PTPRD: variants seen among roughly 807,000 people sequenced by gnomAD.
PTPRD encodes the protein receptor-type tyrosine-protein phosphatase delta.
Under a neutral mutation model 214.5 loss-of-function variants are expected in PTPRD, and 34 were observed. The observed-to-expected ratio is 0.16, with a 90% CI of 0.12 to 0.21. The LOEUF (loss-of-function observed/expected upper bound fraction) is 0.21. Ranked by LOEUF, PTPRD falls within the 10% of genes least tolerant of loss-of-function variation. PTPRD has a pLI of 1.00. For synonymous variants in PTPRD, 1,128 were observed against 845.7 expected, an observed-to-expected ratio of 1.33 and a Z score of -5.79; for missense variants, 2,545 against 2,398.7, an observed-to-expected ratio of 1.06 and a Z score of -1.27.
At chr9:9,977,647 C>T (rs2095405737) in intron 4 of PTPRD, among the ~76,000 whole-genome samples, 1 of 152,046 alleles carries the variant, frequency 6.6e-6, no homozygotes, top group South Asian at 2.1e-4. Flanking sequence ...ATGAGTACGA[C>T]TGACGAGGAC....
At chr9:9,307,977 C>A (rs1388387888) in intron 9 of PTPRD, among the ~76,000 whole-genome samples, 1 of 152,102 alleles carries the variant, frequency 6.6e-6, no homozygotes. Flanking sequence ...ACAAGCTATC[C>A]TGCAAAATTC....
chr9:10,027,855 T>G (rs1178568558), intron 4 of PTPRD, among the ~76,000 whole-genome samples: 1 of 152,186 alleles, frequency 6.6e-6, no homozygotes, highest in Admixed American at 6.5e-5. Flanking sequence ...ATGAATTGCC[T>G]TTTTCTCCTT....
intron 2 of PTPRD, among the ~76,000 whole-genome samples, chr9:10,382,466 C>T (rs754576998): frequency 5.9e-5 from 9 of 151,858 alleles, no homozygotes; most frequent in Admixed American, 1.3e-4. Flanking sequence ...ACAACAGAAA[C>T]ATTACCTCGT....
At chr9:9,790,811 G>A (rs1173083210) in intron 5 of PTPRD, among the ~76,000 whole-genome samples, 1 of 152,020 alleles carries the variant, frequency 6.6e-6, no homozygotes, top group Admixed American at 6.6e-5. Flanking sequence ...TGCCTAGAAT[G>A]GGACCAAGTA....
chr9:9,293,798 C>A (rs912575548), intron 9 of PTPRD, among the ~76,000 whole-genome samples: 4 of 151,592 alleles, frequency 2.6e-5, no homozygotes, highest in East Asian at 1.9e-4. Context: ...TTATGTACTG[C>A]AGTTGTAACT....
intron 2 of PTPRD, among the ~76,000 whole-genome samples, chr9:10,420,827 T>C (rs1162171386): frequency 1.3e-5 from 2 of 151,822 alleles, no homozygotes; most frequent in Non-Finnish European, 2.9e-5. Flanking sequence ...ACTGTCAGAG[T>C]TAGGTACCTT....
At chr9:9,878,641 C>A (rs757223891) in intron 5 of PTPRD, among the ~76,000 whole-genome samples, 33 of 152,132 alleles carry the variant, frequency 2.2e-4, no homozygotes, top group Non-Finnish European at 4.3e-4. Flanking sequence ...TGATAGAACT[C>A]TTGGATTGTT....
At chr9:8,934,766 G>T (rs2098985078) in intron 11 of PTPRD, among the ~76,000 whole-genome samples, 1 of 150,856 alleles carries the variant, frequency 6.6e-6, no homozygotes, top group African/African-American at 2.4e-5. Context: ...ACATCTCCCT[G>T]TCTCTCCCAC....
At chr9:9,442,225 T>C (rs571722725) in intron 8 of PTPRD, 1 of 152,262 alleles carries the variant, frequency 6.6e-6, no homozygotes, top group Admixed American at 6.5e-5. Flanking sequence ...GACCACCAGG[T>C]TGCCTAAGGA....
At chr9:9,528,326 T>C (rs1367088213) in intron 8 of PTPRD, among the ~76,000 whole-genome samples, 2 of 152,166 alleles carry the variant, frequency 1.3e-5, no homozygotes, top group East Asian at 1.9e-4. Flanking sequence ...ATAATTCATG[T>C]TTCTACCTGT....
chr9:9,691,754 G>A (rs1564571786), intron 7 of PTPRD, among the ~76,000 whole-genome samples: 1 of 151,948 alleles, frequency 6.6e-6, no homozygotes, highest in Non-Finnish European at 1.5e-5. Flanking sequence ...AGTATACAAG[G>A]CTTCCCTTTT....
intron 10 of PTPRD, among the ~76,000 whole-genome samples, chr9:9,056,816 T>C (rs1450836407): frequency 2.6e-5 from 4 of 152,248 alleles, no homozygotes; most frequent in African/African-American, 7.2e-5. Flanking sequence ...TTAAATCATA[T>C]TTATATCAGA....
chr9:8,492,134 CTTTTT>C (rs1434193520), intron 27 of PTPRD, among the ~76,000 whole-genome samples: 1 of 152,042 alleles, frequency 6.6e-6, no homozygotes, highest in Non-Finnish European at 1.5e-5. Flanking sequence ...TCTTCTTTTT[CTTTTT>C]TGTTTTCTAT....
chr9:8,570,835 T>C (rs1336561771), intron 14 of PTPRD, among the ~76,000 whole-genome samples: 3 of 151,958 alleles, frequency 2.0e-5, no homozygotes, highest in Non-Finnish European at 2.9e-5. Flanking sequence ...AAAGCACATA[T>C]ATTTTATGCC....
chr9:9,101,720 C>G (rs1337240700), intron 10 of PTPRD, among the ~76,000 whole-genome samples: 3 of 152,100 alleles, frequency 2.0e-5, no homozygotes, highest in South Asian at 2.1e-4. Context: ...GCATGTTACC[C>G]CACTGAGTTA....
intron 11 of PTPRD, among the ~76,000 whole-genome samples, chr9:8,773,403 C>A (rs944494972): frequency 6.6e-6 from 1 of 152,132 alleles, no homozygotes; most frequent in Non-Finnish European, 1.5e-5. Context: ...TAGAAACTCT[C>A]GCCAGGCAGT....
chr9:9,756,803 G>C (rs187334844), intron 6 of PTPRD, among the ~76,000 whole-genome samples: 1 of 152,252 alleles, frequency 6.6e-6, no homozygotes, highest in Admixed American at 6.5e-5. Flanking sequence ...CAGTCTTAAA[G>C]ATTACAAAAT....
At chr9:10,359,291 T>C (rs568239315) in intron 2 of PTPRD, among the ~76,000 whole-genome samples, 17 of 152,048 alleles carry the variant, frequency 1.1e-4, no homozygotes, top group African/African-American at 3.9e-4. Flanking sequence ...GTAATACATA[T>C]ATGATTATAA....
At chr9:9,240,094 T>A (rs903243654) in intron 9 of PTPRD, among the ~76,000 whole-genome samples, 1 of 152,150 alleles carries the variant, frequency 6.6e-6, no homozygotes, top group African/African-American at 2.4e-5. Context: ...TAAGAATAAG[T>A]AAATTCAATA....
Sources: allele counts gnomAD v4.1 joint callset (sites outside exome capture counted in the v4.1 genomes callset), GRCh38; gene constraint gnomAD v4.1.1; transcripts MANE v1.5; gene names NCBI Gene and HGNC (gene_info 2026-07-23, HGNC 2026-07-21).